Variants in CEP350 observed in about 807,000 individuals in gnomAD.
The protein encoded by CEP350 is centrosome-associated protein 350.
In CEP350, 126 loss-of-function variants were observed where a neutral mutation model predicts 331.8. The observed-to-expected ratio is 0.38, with a 90% CI of 0.33 to 0.44. The LOEUF (loss-of-function observed/expected upper bound fraction) is 0.44, where lower values mean the gene tolerates loss of function less well. CEP350 is among the 20% of genes least tolerant of loss of function. The pLI is 1.00. For synonymous variants in CEP350, 1,200 were observed against 1,259.5 expected (o/e 0.95, Z 1.00); for missense variants, 3,406 against 3,634.6 (o/e 0.94, Z 1.62).
intron 1 of CEP350, among the ~76,000 whole-genome samples, chr1:179,961,658 GGTTA>G (rs1443064249): frequency 2.0e-5 from 3 of 152,010 alleles, no homozygotes; most frequent in African/African-American, 2.4e-5. Flanking sequence ...TTGTTTCTCT[GGTTA>G]GTTATAAATG....
intron 32 of CEP350, among the ~76,000 whole-genome samples, chr1:180,089,582 CAAAAA>C (rs71660691): frequency 1.2e-5 from 1 of 86,194 alleles, no homozygotes. Context: ...GACTCCATCT[CAAAAA>C]AAAAAAAAAA....
intron 33 of CEP350, among the ~76,000 whole-genome samples, chr1:180,091,561 C>T (rs1370477289): frequency 1.3e-5 from 2 of 152,082 alleles, no homozygotes; most frequent in African/African-American, 2.4e-5. Context: ...CTAGGCGCAG[C>T]AGCTCACGCC....
At chr1:179,979,512 G>T (rs1423805564) in intron 1 of CEP350, among the ~76,000 whole-genome samples, 1 of 149,994 alleles carries the variant, frequency 6.7e-6, no homozygotes, top group East Asian at 2.0e-4. Context: ...TCATTCTGTT[G>T]ATTGTTTCCC....
chr1:180,003,163 G>C lies in CEP350; in HGVS notation c.1019-11G>C. On this transcript the variant is annotated splice_polypyrimidine_tract_variant and intron_variant, in intron 6 of 37. Transcript: ENST00000367607. ...TTGATAAGAATATTCTGTGTTACTG[G>C]TATGTATTAGGTTTCAACCCTTCAG... 1 of 1,539,750 alleles carries C rather than the reference G, an allele frequency of 6.5e-7. No homozygotes were observed. Among genetic ancestry groups the C allele is most frequent in the Non-Finnish European group, 8.9e-7 (1 of 1,120,964 alleles).
At chr1:180,011,312 A>G (rs1024675433) in intron 8 of CEP350, among the ~76,000 whole-genome samples, 2 of 152,192 alleles carry the variant, frequency 1.3e-5, no homozygotes, top group African/African-American at 2.4e-5. Flanking sequence ...AATTTTTTAC[A>G]TGTTCTTTGA....
At chr1:180,045,982 T>C (rs1657093552) in intron 21 of CEP350, among the ~76,000 whole-genome samples, 1 of 152,220 alleles carries the variant, frequency 6.6e-6, no homozygotes, top group Non-Finnish European at 1.5e-5. Flanking sequence ...GCATATGATA[T>C]ACCTTCTTTC....
chr1:180,074,132 C>T (rs1476289765), intron 27 of CEP350, among the ~76,000 whole-genome samples: 3 of 151,998 alleles, frequency 2.0e-5, no homozygotes, highest in Non-Finnish European at 2.9e-5. Context: ...AGTGTTTGTG[C>T]GATACATGTA....
At chr1:180,100,237 A>T (rs1273852353) in intron 37 of CEP350, among the ~76,000 whole-genome samples, 3 of 152,232 alleles carry the variant, frequency 2.0e-5, no homozygotes, top group African/African-American at 7.2e-5. Context: ...TTGTTTTACA[A>T]ATGAGGAAAT....
intron 2 of CEP350, among the ~76,000 whole-genome samples, chr1:179,986,777 C>T (rs192931005): frequency 2.6e-5 from 4 of 152,210 alleles, no homozygotes; most frequent in East Asian, 3.9e-4. Context: ...GGAAAATACA[C>T]GACCTTAAAC....
intron 36 of CEP350, among the ~76,000 whole-genome samples, chr1:180,098,189 C>CG (rs1660593697): frequency 1.3e-5 from 2 of 152,232 alleles, no homozygotes; most frequent in African/African-American, 4.8e-5. Flanking sequence ...AGGCTGGTCT[C>CG]GAACTCCCGA....
intron 1 of CEP350, chr1:179,969,313 T>G (rs1434165459): frequency 6.0e-6 from 3 of 502,728 alleles, no homozygotes; most frequent in African/African-American, 3.9e-5. Flanking sequence ...AGGAAGAATT[T>G]TAGGGTGAAT....
chr1:180,039,058 A>G (rs1278267868), intron 17 of CEP350, among the ~76,000 whole-genome samples: 3 of 151,372 alleles, frequency 2.0e-5, no homozygotes, highest in Non-Finnish European at 2.9e-5. Flanking sequence ...CTCTACTATG[A>G]ATACAAAAAT....
rs374977019 is a variant in CEP350 at position 180,056,930 on chromosome 1, C to A, written c.5262+2428C>A. Reference sequence around the variant, plus strand: ...CTTCAGTTTGGAAAGTTTTTATTGACCTGTCTTTGAGTTCATTAGTATGTC... The same window carrying A: ...CTTCAGTTTGGAAAGTTTTTATTGAACTGTCTTTGAGTTCATTAGTATGTC... On this transcript the variant is annotated intron_variant, in intron 25 of 37. Coordinates refer to ENST00000367607, the MANE Select transcript of CEP350 (RefSeq NM_014810.5). Among the ~76,000 whole-genome samples the A allele has an allele frequency of 7.9e-5, 12 of 152,114 alleles. No homozygotes were observed. The East Asian group carries it at 1.5e-3, about 20-fold the overall frequency.
rs758998141 is a variant in CEP350 at position 180,095,919 on chromosome 1, G to C, written c.8908G>C (p.Val2970Leu). ...GLDIESTSKR[V>L]YKQAVFDLTK... ...AGATATAGAAAGCACTAGTAAAAGG[G>C]TCTACAAACAGGTAGGTGAAATAAA... The change falls in exon 35 of 38, where the codon GTC becomes CTC. Residue 2970 changes from valine to leucine, a missense_variant. By Grantham distance (32) the Val-to-Leu change is conservative. Transcript: ENST00000367607. 3.1e-6 allele frequency: 5 copies of C among 1,597,352 alleles called. No homozygotes were observed. Among genetic ancestry groups the C allele is most frequent in the Non-Finnish European group, 4.3e-6 (5 of 1,173,020 alleles).
At chr1:180,022,673 A>G (rs1403670703) in intron 12 of CEP350, 25 bp from the exon 13 acceptor site, 4 of 1,598,576 alleles carry the variant, frequency 2.5e-6, no homozygotes, top group Non-Finnish European at 3.4e-6. Context: ...GTTTTTAACC[A>G]TGTTTCAATT....
Position 180,092,949 on chromosome 1 carries a change from G to T in CEP350, c.6844G>T (p.Asp2282Tyr). ...TGCCTTTTCTAAAGAAGGTAAATCT[G>T]ATGTCTTACTGAAATTAGTCCTAGA... ...EDAFSKEGKSDVLLKLVLEQG... is the reference protein window; with the variant it reads ...EDAFSKEGKSYVLLKLVLEQG... Residue 2282 changes from aspartate to tyrosine, a missense_variant, in exon 34 of 38, where the codon GAT becomes TAT. By Grantham distance (160) the Asp-to-Tyr change is radical. Around this residue, in one of 5 missense-constraint regions of CEP350, gnomAD observed 1,415 missense variants for 1,512.3 expected, o/e 0.94. Transcript: ENST00000367607. The T allele has an allele frequency of 6.3e-7, 1 of 1,594,044 alleles. No individual in the cohort carries two copies. Among genetic ancestry groups the T allele is most frequent in the South Asian group, 1.1e-5 (1 of 88,164 alleles).
intron 22 of CEP350, among the ~76,000 whole-genome samples, chr1:180,051,074 A>G (rs1339154112): frequency 2.0e-5 from 3 of 152,216 alleles, no homozygotes. Flanking sequence ...ATAACAACCT[A>G]TATACTGATG....
At chr1:179,975,131 G>A (rs1469544364) in intron 1 of CEP350, among the ~76,000 whole-genome samples, 2 of 152,134 alleles carry the variant, frequency 1.3e-5, no homozygotes, top group Non-Finnish European at 2.9e-5. Flanking sequence ...GCTTTGAAGG[G>A]CATTCTTGCC....
rs1023426131 is a variant in CEP350 at position 180,041,732 on chromosome 1, C to T, written c.4292C>T (p.Thr1431Met). ...GTAACTGAAGTCCTGCAGGAAGCAA[C>T]GTGTAAAATAGCAGCTCAGCAGTCA... is the stretch of plus-strand genomic sequence containing the variant. ...REVTEVLQEA[T>M]CKIAAQQSET... The change falls in exon 19 of 38, where the codon ACG becomes ATG. Residue 1431 changes from threonine to methionine, a missense_variant. Transcript: ENST00000367607. 7 of 1,613,174 alleles carry T rather than the reference C, an allele frequency of 4.3e-6. No individual in the cohort carries two copies. The highest frequency in any genetic ancestry group is 1.3e-5 in the African/African-American group (1 of 74,908).
Sources: allele counts gnomAD v4.1 joint callset (sites outside exome capture counted in the v4.1 genomes callset), GRCh38; gene constraint gnomAD v4.1.1; regional missense constraint gnomAD v4.1.1; transcripts MANE v1.5; gene names NCBI Gene and HGNC (gene_info 2026-07-23, HGNC 2026-07-21).